Variants in PDE8B observed in about 807,000 individuals in gnomAD.
PDE8B encodes high affinity cAMP-specific and IBMX-insensitive 3',5'-cyclic phosphodiesterase 8B.
PDE8B carries 26 observed loss-of-function variants against 101.3 expected under a neutral mutation model. That is an observed-to-expected ratio of 0.26 (90% CI 0.19 to 0.36). PDE8B has a LOEUF of 0.36. Ranked by LOEUF, PDE8B falls within the 10% of genes least tolerant of loss-of-function variation. The pLI, the probability that PDE8B is intolerant of heterozygous loss-of-function variation, is 1.00. For missense variants in PDE8B, 810 were observed against 1,163.1 expected (o/e 0.70, Z 4.42); for synonymous variants, 424 against 429.3 (o/e 0.99, Z 0.15).
chr5:77,244,256 C>T (rs1358818895), intron 1 of PDE8B, among the ~76,000 whole-genome samples: 4 of 152,156 alleles, frequency 2.6e-5, no homozygotes, highest in African/African-American at 9.7e-5. Context: ...AGTAGGACTC[C>T]AGCTGTAGGC....
Position 77,397,910 on chromosome 5 carries a change from C to T in PDE8B, c.1168-2338C>T, listed in dbSNP as rs140625435. ...GTAAAAAGTAATCTCTGTACCCCAC[C>T]CCCCGCCTCCCCACACACTAACCAG... On this transcript the variant is annotated intron_variant, in intron 10 of 21. Transcript: ENST00000264917. 3.2e-4 allele frequency among the ~76,000 whole-genome samples: 48 copies of T among 152,076 alleles called. No individual in the cohort carries two copies. In the East Asian group the frequency reaches 8.9e-3, roughly 28 times the overall value.
chr5:77,283,222 T>A (rs1765364753), intron 1 of PDE8B, among the ~76,000 whole-genome samples: 1 of 152,160 alleles, frequency 6.6e-6, no homozygotes, highest in African/African-American at 2.4e-5. Flanking sequence ...AGAGTTCTCA[T>A]ATATTCGAAA....
chr5:77,184,181 G>C, the PDE8B span, among the ~76,000 whole-genome samples: 2 of 152,100 alleles, frequency 1.3e-5, no homozygotes, highest in Non-Finnish European at 2.9e-5. Flanking sequence ...GCCCCAGCTG[G>C]TCTCAAACTC....
the PDE8B span, among the ~76,000 whole-genome samples, chr5:77,127,975 C>T: frequency 6.6e-6 from 1 of 152,166 alleles, no homozygotes; most frequent in African/African-American, 2.4e-5. Flanking sequence ...ATTCCCTGTG[C>T]CTGCAGGAGA....
chr5:77,346,225 A>C (rs1545774), intron 7 of PDE8B, among the ~76,000 whole-genome samples: 2 of 152,004 alleles, frequency 1.3e-5, no homozygotes, highest in Admixed American at 6.5e-5. Flanking sequence ...CTTCCTCATG[A>C]TGCTGGCTCT....
chr5:77,344,933 T>C lies in PDE8B; in HGVS notation c.876+2T>C. 1.9e-6 allele frequency: 3 copies of C among 1,598,316 alleles called. No individual in the cohort carries two copies. The highest frequency in any genetic ancestry group is 2.6e-6 in the Non-Finnish European group (3 of 1,165,616). On this transcript the variant is annotated splice_donor_variant, in intron 7 of 21. Coordinates refer to ENST00000264917, the MANE Select transcript of PDE8B (RefSeq NM_003719.5). LOFTEE classifies it high-confidence loss of function. ...ACAAGCGATGACCACGTGATTCAGG[T>C]ATGGAAAGAAACCACCTCTATCATT...
chr5:77,393,038 C>T (rs1416934521), intron 10 of PDE8B, among the ~76,000 whole-genome samples: 1 of 152,206 alleles, frequency 6.6e-6, no homozygotes, highest in Non-Finnish European at 1.5e-5. Context: ...TCTTTAGAGA[C>T]TTGTAGCCAG....
chr5:77,200,289 C>T, the PDE8B span, among the ~76,000 whole-genome samples: 1 of 152,078 alleles, frequency 6.6e-6, no homozygotes, highest in Non-Finnish European at 1.5e-5. Flanking sequence ...TCAAATAGAA[C>T]AGCATTTTCA....
chr5:77,264,209 A>G (rs1022499042), intron 1 of PDE8B, among the ~76,000 whole-genome samples: 5 of 152,258 alleles, frequency 3.3e-5, no homozygotes, highest in African/African-American at 9.6e-5. Context: ...TTCAACTATT[A>G]TGAATAATGT....
At chr5:77,195,160 C>T in the PDE8B span, among the ~76,000 whole-genome samples, 1 of 152,170 alleles carries the variant, frequency 6.6e-6, no homozygotes, top group Non-Finnish European at 1.5e-5. Flanking sequence ...CCATTGAGGG[C>T]CTTCTTACTA....
intron 20 of PDE8B, among the ~76,000 whole-genome samples, chr5:77,422,657 C>A (rs1464037870): frequency 1.3e-5 from 2 of 152,122 alleles, no homozygotes; most frequent in African/African-American, 2.4e-5. Flanking sequence ...ATCTAGAAAG[C>A]AGTAGACTGT....
intron 1 of PDE8B, among the ~76,000 whole-genome samples, chr5:77,236,460 C>T (rs561122537): frequency 7.2e-5 from 11 of 152,288 alleles, no homozygotes; most frequent in South Asian, 2.1e-4. Flanking sequence ...AATGAGTAGC[C>T]ACTGAATAGG....
intron 3 of PDE8B, among the ~76,000 whole-genome samples, chr5:77,327,834 C>T (rs1256561876): frequency 6.6e-6 from 1 of 152,162 alleles, no homozygotes; most frequent in East Asian, 1.9e-4. Context: ...AACTTCACTT[C>T]CTGGGAATAT....
intron 2 of PDE8B, among the ~76,000 whole-genome samples, chr5:77,322,137 T>C (rs1317131821): frequency 1.3e-5 from 2 of 152,062 alleles, no homozygotes; most frequent in Non-Finnish European, 2.9e-5. Flanking sequence ...GTGGTTCTAG[T>C]TGTCTGGTAC....
At chr5:77,194,898 A>G in the PDE8B span, among the ~76,000 whole-genome samples, 1 of 152,328 alleles carries the variant, frequency 6.6e-6, no homozygotes, top group Non-Finnish European at 1.5e-5. Flanking sequence ...CTGCTATTAA[A>G]CATTTAAGTA....
chr5:77,187,971 A>G, the PDE8B span, among the ~76,000 whole-genome samples: 1 of 152,220 alleles, frequency 6.6e-6, no homozygotes, highest in Admixed American at 6.5e-5. Context: ...CCAGCTCTTT[A>G]TCATTGTATA....
intron 1 of PDE8B, among the ~76,000 whole-genome samples, chr5:77,264,297 C>G (rs1761230801): frequency 6.6e-6 from 1 of 152,196 alleles, no homozygotes; most frequent in Non-Finnish European, 1.5e-5. Context: ...GGTGAAATTG[C>G]TGGGTCATAT....
the PDE8B span, among the ~76,000 whole-genome samples, chr5:77,172,752 C>G: frequency 1.3e-5 from 2 of 152,172 alleles, no homozygotes; most frequent in African/African-American, 4.8e-5. Context: ...CCAGTGCTGA[C>G]TAGGGGGAGC....
chr5:77,280,495 A>G (rs1580762297), intron 1 of PDE8B, among the ~76,000 whole-genome samples: 1 of 152,280 alleles, frequency 6.6e-6, no homozygotes, highest in Non-Finnish European at 1.5e-5. Flanking sequence ...AGAAGATTCA[A>G]CAGCAAGAAA....
Sources: allele counts gnomAD v4.1 joint callset (sites outside exome capture counted in the v4.1 genomes callset), GRCh38; gene constraint gnomAD v4.1.1; transcripts MANE v1.5; gene names NCBI Gene and HGNC (gene_info 2026-07-23, HGNC 2026-07-21).